Variants in FRMD4A observed in about 807,000 individuals in gnomAD.
FRMD4A encodes FERM domain-containing protein 4A.
A neutral mutation model predicts 129.1 loss-of-function variants in FRMD4A; 29 were observed. The observed-to-expected ratio is 0.22, with a 90% CI of 0.17 to 0.31. FRMD4A has a LOEUF of 0.31. FRMD4A is among the 10% of genes least tolerant of loss of function. FRMD4A has a pLI of 1.00. For synonymous variants in FRMD4A, 634 were observed against 571.6 expected (o/e 1.11, Z -1.56); for missense variants, 1,272 against 1,375.8 (o/e 0.92, Z 1.19).
intron 3 of FRMD4A, among the ~76,000 whole-genome samples, chr10:13,844,885 A>G (rs1480397944): frequency 6.6e-6 from 1 of 152,172 alleles, no homozygotes; most frequent in African/African-American, 2.4e-5. Flanking sequence ...TACAGCCCCT[A>G]TTGGGAAGCA....
intron 12 of FRMD4A, among the ~76,000 whole-genome samples, chr10:13,708,555 C>G (rs1396712577): frequency 2.6e-5 from 4 of 152,190 alleles, no homozygotes; most frequent in Non-Finnish European, 5.9e-5. Flanking sequence ...CACTCTGAAG[C>G]CCAAGGAAAT....
intron 2 of FRMD4A, among the ~76,000 whole-genome samples, chr10:13,952,487 C>T (rs896221766): frequency 2.2e-4 from 33 of 151,858 alleles, no homozygotes; most frequent in African/African-American, 7.0e-4. Context: ...GGTGACAGAG[C>T]GAGACCCTGT....
chr10:14,320,812 T>A (rs1846948645), intron 2 of FRMD4A, among the ~76,000 whole-genome samples: 1 of 152,106 alleles, frequency 6.6e-6, no homozygotes, highest in South Asian at 2.1e-4. Flanking sequence ...TCGAGAAGAG[T>A]GCATGAAGCT....
chr10:14,000,724 A>G (rs1238275088), intron 2 of FRMD4A, among the ~76,000 whole-genome samples: 3 of 148,742 alleles, frequency 2.0e-5, no homozygotes, highest in Non-Finnish European at 3.0e-5. Flanking sequence ...TTGTGTACAT[A>G]TTTGCAATAT....
intron 2 of FRMD4A, among the ~76,000 whole-genome samples, chr10:14,242,937 C>G (rs1396818142): frequency 6.6e-6 from 1 of 152,150 alleles, no homozygotes; most frequent in Admixed American, 6.5e-5. Flanking sequence ...TTTGAGACAC[C>G]ATGCTCATGG....
At chr10:13,747,590 G>T in intron 9 of FRMD4A, 146 bp downstream of exon 9, 1 of 404,580 alleles carries the variant, frequency 2.5e-6, no homozygotes, top group Non-Finnish European at 4.4e-6. Context: ...GCAGAAAATG[G>T]TTTCAGGAAG....
intron 2 of FRMD4A, among the ~76,000 whole-genome samples, chr10:14,323,721 T>C (rs1030584978): frequency 2.6e-5 from 4 of 152,198 alleles, no homozygotes; most frequent in Admixed American, 1.3e-4. Flanking sequence ...CTTCCTTCCT[T>C]CCTTTCAGTA....
chr10:13,975,039 A>G (rs1212069865), intron 2 of FRMD4A, among the ~76,000 whole-genome samples: 1 of 150,396 alleles, frequency 6.6e-6, no homozygotes, highest in Non-Finnish European at 1.5e-5. Flanking sequence ...CTGAGTATGC[A>G]TGTGCGTGTC....
chr10:13,978,908 T>G (rs2446583), intron 2 of FRMD4A, among the ~76,000 whole-genome samples: 147,578 of 152,278 alleles, frequency 0.97, 71,536 homozygotes, highest in East Asian at 0.99. Context: ...AATATTCCCC[T>G]CAAGCTCCAC....
chr10:13,782,191 A>C (rs1416555639), intron 6 of FRMD4A, among the ~76,000 whole-genome samples: 1 of 152,180 alleles, frequency 6.6e-6, no homozygotes, highest in Non-Finnish European at 1.5e-5. Flanking sequence ...TCCCTTTGAA[A>C]GATGCTGCTA....
At chr10:13,955,980 C>T (rs1053903790) in intron 2 of FRMD4A, among the ~76,000 whole-genome samples, 4 of 152,164 alleles carry the variant, frequency 2.6e-5, no homozygotes, top group Non-Finnish European at 4.4e-5. Flanking sequence ...TTATTTTACA[C>T]CCTTTCAAAT....
rs1203479488 is a variant in FRMD4A, at chr10:14,082,548, C to T, written c.46-223636G>A. 7.9e-5 allele frequency among the ~76,000 whole-genome samples: 12 copies of T among 152,198 alleles called. No individual in the cohort carries two copies. In the East Asian group the frequency reaches 1.2e-3, roughly 15 times the overall value. On this transcript the variant is annotated intron_variant, in intron 2 of 24. Transcript: ENST00000357447. ...TGTTAGGCTGGGTGGTATAACCAGT[C>T]GCCCATAGTTCTGCATTTCATTGCA...
chr10:13,684,931 GAA>G, intron 15 of FRMD4A: 1 of 984,738 alleles, frequency 1.0e-6, no homozygotes, highest in African/African-American at 1.7e-5. Context: ...AAGCTGTAAG[GAA>G]AAGTTTTGGC....
intron 2 of FRMD4A, among the ~76,000 whole-genome samples, chr10:13,875,576 A>G (rs1371717216): frequency 1.3e-5 from 2 of 152,234 alleles, no homozygotes; most frequent in Non-Finnish European, 2.9e-5. Flanking sequence ...AAGGGAATTA[A>G]GAGGTGCCCT....
intron 2 of FRMD4A, among the ~76,000 whole-genome samples, chr10:14,315,716 A>G (rs1010382019): frequency 3.9e-5 from 6 of 152,224 alleles, no homozygotes; most frequent in Admixed American, 3.9e-4. Context: ...GACTTTTCAA[A>G]AGGTATCATG....
intron 2 of FRMD4A, among the ~76,000 whole-genome samples, chr10:14,182,090 T>C (rs1218432391): frequency 6.6e-6 from 1 of 152,222 alleles, no homozygotes; most frequent in Non-Finnish European, 1.5e-5. Context: ...GCTTTTTCTT[T>C]ATAAGAGGCA....
intron 2 of FRMD4A, among the ~76,000 whole-genome samples, chr10:13,961,710 G>A (rs2095446265): frequency 6.6e-6 from 1 of 152,138 alleles, no homozygotes; most frequent in Admixed American, 6.5e-5. Flanking sequence ...TAGGTTACCA[G>A]GTGCCTTGTC....
chr10:14,272,927 G>A (rs1218348), intron 2 of FRMD4A, among the ~76,000 whole-genome samples: 94,403 of 151,960 alleles, frequency 0.62, 30,620 homozygotes, highest in African/African-American at 0.82. Context: ...CCTTTTAAAA[G>A]CATCTTGGCT....
intron 2 of FRMD4A, among the ~76,000 whole-genome samples, chr10:14,076,089 T>C (rs1339404111): frequency 6.6e-6 from 1 of 152,082 alleles, no homozygotes; most frequent in East Asian, 1.9e-4. Flanking sequence ...AATAACCGGG[T>C]TTCATTACTA....
Sources: gnomAD v4.1 joint callset for allele counts (sites outside exome capture counted in the v4.1 genomes callset) on GRCh38, gnomAD v4.1.1 for gene constraint, MANE v1.5 for transcripts, NCBI Gene and HGNC (gene_info 2026-07-23, HGNC 2026-07-21) for gene names.